Variants in LPO observed in about 807,000 individuals in gnomAD.
LPO encodes lactoperoxidase, also known as salivary peroxidase.
LPO carries 70 observed loss-of-function variants against 68.4 expected under a neutral mutation model. The observed-to-expected ratio is 1.02, with a 90% CI of 0.84 to 1.25. LPO has a LOEUF of 1.25. Among genes scored for constraint, LPO ranks in the 50% most tolerant of loss-of-function variants. LPO has a pLI of 0.00. For missense variants in LPO, 873 were observed against 908.4 expected (o/e 0.96, Z 0.50); for synonymous variants, 360 against 357.6 (o/e 1.01, Z -0.08).
In LPO at chr17:58,249,710, G is replaced by A. The variant is rs1224736401; in HGVS notation, c.573+15G>A. The A allele has an allele frequency of 1.9e-6, 3 of 1,550,056 alleles. No individual in the cohort carries two copies. The highest frequency in any genetic ancestry group is 1.4e-5 in the African/African-American group (1 of 72,964). The stretch of plus-strand genomic sequence containing the variant: ...CTCTCCCGCTGGTGAGGGCAGGCCG[G>A]GCCGGGGTGAAGGATGGGAGCCAGA... On this transcript the variant is annotated intron_variant, in intron 6 of 12. Transcript: ENST00000262290.
chr17:58,247,264 G>T (rs1208691238), intron 3 of LPO, among the ~76,000 whole-genome samples: 1 of 152,176 alleles, frequency 6.6e-6, no homozygotes, highest in Non-Finnish European at 1.5e-5. Flanking sequence ...AGCACTTGAG[G>T]TGTGCCTAGT....
intron 9 of LPO, among the ~76,000 whole-genome samples, chr17:58,257,456 T>C (rs558566426): frequency 1.3e-5 from 2 of 152,274 alleles, no homozygotes; most frequent in African/African-American, 2.4e-5. Flanking sequence ...ATCCATGTTG[T>C]TACAATTGAC....
chr17:58,267,387 C>A lies in LPO; in HGVS notation c.1732C>A (p.Pro578Thr), dbSNP rs1970288385. ...SWRAFCDLSQ[P>T]QTLEELNTVL... ...GAGAGCCTTCTGTGACCTCTCACAG[C>A]CGCAGACACTAGAGGAGTTGAACAC... The change falls in exon 12 of 13, where the codon CCG becomes ACG. Residue 578 changes from proline (P) to threonine (T), a missense_variant. Transcript: ENST00000262290. 3.7e-6 allele frequency: 6 copies of A among 1,614,200 alleles called. No homozygotes were observed. The highest frequency in any genetic ancestry group is 1.3e-5 in the African/African-American group (1 of 75,044).
At chr17:58,240,081 A>G (rs570696059) in intron 1 of LPO, among the ~76,000 whole-genome samples, 1 of 152,350 alleles carries the variant, frequency 6.6e-6, no homozygotes, top group African/African-American at 2.4e-5. Context: ...TATGGATGAA[A>G]TACTGTGGGA....
Position 58,255,002 on chromosome 17 carries a change from T to TCCCACCTGGC in LPO, c.1266+32_1266+41dup, listed in dbSNP as rs775785980. On this transcript the variant is annotated intron_variant, in intron 9 of 12. Transcript: ENST00000262290. The stretch of plus-strand genomic sequence containing the variant: ...GAGTCCCAGGAGCACTGTCACCTGG[T>TCCCACCTGGC]CCCACCTGGCTCCCACTCCTGGCTC... 8.1e-6 allele frequency: 13 copies of TCCCACCTGGC among 1,607,302 alleles called. No homozygotes were observed. The South Asian group carries it at 1.4e-4, about 18-fold the overall frequency.
intron 7 of LPO, chr17:58,251,765 T>A (rs1381693408): frequency 4.2e-6 from 2 of 471,858 alleles, no homozygotes; most frequent in Non-Finnish European, 8.5e-6. Context: ...CCTTACAGGG[T>A]TTTTTTGAGG....
chr17:58,245,799 C>G (rs974620980), intron 3 of LPO, among the ~76,000 whole-genome samples: 1 of 152,182 alleles, frequency 6.6e-6, no homozygotes, highest in Non-Finnish European at 1.5e-5. Flanking sequence ...AATTCTCTCT[C>G]GCTCCTCAAA....
At chr17:58,246,906 T>C (rs1312038890) in intron 3 of LPO, among the ~76,000 whole-genome samples, 1 of 152,210 alleles carries the variant, frequency 6.6e-6, no homozygotes, top group Non-Finnish European at 1.5e-5. Context: ...ACCATCATTA[T>C]TTTCATTATA....
intron 6 of LPO, among the ~76,000 whole-genome samples, 159 bp from the exon 7 acceptor site, chr17:58,250,256 C>T (rs575033030): frequency 5.3e-5 from 8 of 152,254 alleles, no homozygotes; most frequent in African/African-American, 1.7e-4. Flanking sequence ...ATTCAATCTC[C>T]CCCTCTACAG....
At position 58,247,466 on chromosome 17, in the gene LPO, C is replaced by G; in HGVS notation, c.165-12C>G. ...GGGTCCAGGCCATGATCCCCATCTC[C>G]CTCCACTGTAGGCTGAAGACCGCCA... On this transcript the variant is annotated splice_polypyrimidine_tract_variant and intron_variant, in intron 3 of 12. Transcript: ENST00000262290. The G allele has an allele frequency of 6.2e-7, 1 of 1,611,352 alleles. No homozygotes were observed.
chr17:58,241,131 T>C lies in LPO; in HGVS notation c.-2-1847T>C, dbSNP rs552116594. Among the ~76,000 whole-genome samples the C allele has an allele frequency of 1.8e-3, 216 of 121,674 alleles. 1 individual carries two copies. Among genetic ancestry groups the C allele is most frequent in the Non-Finnish European group, 2.8e-3 (167 of 59,680 alleles). 79.8% of individuals were successfully genotyped at this position (121,674 alleles called of 152,430 possible). On this transcript the variant is annotated intron_variant, in intron 1 of 12. Coordinates refer to ENST00000262290, the MANE Select transcript of LPO (RefSeq NM_006151.3). ...TTCTTTTCTTTTCTTTTTTCTTTTT[T>C]TTTTTTTTTTTTTTTTTGAGCCAGG...
intron 2 of LPO, 122 bp downstream of exon 2, chr17:58,243,177 T>A: frequency 1.1e-6 from 1 of 934,448 alleles, no homozygotes; most frequent in Non-Finnish European, 1.7e-6. Context: ...AAAATCAAGG[T>A]GTTGGCAGGG....
rs1377287990 is a variant in LPO, at chr17:58,267,787, G to T, written c.1932G>T (p.Arg644Ser). ...KQFQQIRDGDRFWWENPGVFT... is the reference protein window; with the variant it reads ...KQFQQIRDGDSFWWENPGVFT... ...AGTGACTCTACTTCTGTCTCTGCAGGTTCTGGTGGGAAAACCCTGGGGTCT... is the reference window on the plus strand; with the variant it reads ...AGTGACTCTACTTCTGTCTCTGCAGTTTCTGGTGGGAAAACCCTGGGGTCT... Residue 644 changes from arginine to serine, a missense_variant and splice_region_variant, in exon 13 of 13, where the codon AGG becomes AGT. Physicochemically the swap from Arg to Ser is moderately radical, Grantham distance 110. Transcript: ENST00000262290. The T allele has an allele frequency of 2.5e-6, 4 of 1,613,960 alleles. No homozygotes were observed. The Admixed American group carries it at 5.0e-5, about 20-fold the overall frequency.
chr17:58,254,277 C>T (rs1405410760), intron 8 of LPO, among the ~76,000 whole-genome samples: 1 of 152,012 alleles, frequency 6.6e-6, no homozygotes, highest in Non-Finnish European at 1.5e-5. Context: ...ACTGTTCCCC[C>T]ATCGTTACTC....
At chr17:58,251,069 A>C (rs1969950954) in intron 7 of LPO, 1 of 175,132 alleles carries the variant, frequency 5.7e-6, no homozygotes, top group Non-Finnish European at 1.2e-5. Context: ...ACCTGAGGTC[A>C]AGAGTTTGAG....
At chr17:58,248,139 C>T (rs1353661199) in intron 4 of LPO, among the ~76,000 whole-genome samples, 1 of 152,120 alleles carries the variant, frequency 6.6e-6, no homozygotes, top group East Asian at 1.9e-4. Flanking sequence ...GTCATGGCCT[C>T]CTCCATCCCC....
chr17:58,256,527 G>A (rs1970075081), intron 9 of LPO, among the ~76,000 whole-genome samples: 1 of 151,646 alleles, frequency 6.6e-6, no homozygotes, highest in Non-Finnish European at 1.5e-5. Context: ...TGAAGAATGA[G>A]GTATCCTGCT....
intron 5 of LPO, 163 bp from the exon 6 acceptor site, chr17:58,249,403 G>T (rs1969913638): frequency 1.7e-6 from 2 of 1,154,212 alleles, no homozygotes; most frequent in African/African-American, 3.1e-5. Context: ...GGGGAGCCCC[G>T]CGCCTTCAGG....
At chr17:58,256,088 T>C (rs1970064532) in intron 9 of LPO, among the ~76,000 whole-genome samples, 1 of 152,216 alleles carries the variant, frequency 6.6e-6, no homozygotes, top group African/African-American at 2.4e-5. Context: ...GTTATATACA[T>C]GGAATTATGC....
Sources: gnomAD v4.1 joint callset for allele counts (sites outside exome capture counted in the v4.1 genomes callset) on GRCh38, gnomAD v4.1.1 for gene constraint, MANE v1.5 for transcripts, NCBI Gene and HGNC (gene_info 2026-07-23, HGNC 2026-07-21) for gene names.